Variants in ACKR2 observed in about 807,000 individuals in gnomAD.
The protein encoded by ACKR2 is atypical chemokine receptor 2.
For missense variants in ACKR2, 457 were observed against 477.3 expected, an observed-to-expected ratio of 0.96 and a Z score of 0.40; for synonymous variants, 207 against 192.2, an observed-to-expected ratio of 1.08 and a Z score of -0.64.
At chr3:42,861,103 G>C (rs189550044) in intron 2 of ACKR2, among the ~76,000 whole-genome samples, 5 of 152,102 alleles carry the variant, frequency 3.3e-5, no homozygotes, top group African/African-American at 1.2e-4. Context: ...CAACAAAATA[G>C]ATAGACCACT....
chr3:42,844,456 G>A (rs1485605641), intron 2 of ACKR2, among the ~76,000 whole-genome samples: 1 of 152,142 alleles, frequency 6.6e-6, no homozygotes, highest in Admixed American at 6.5e-5. Flanking sequence ...TCTTGGTGGG[G>A]GGCAGGGAAC....
chr3:42,864,965 C>G lies in ACKR2; in HGVS notation c.463C>G (p.Leu155Val). Residue 155 changes from leucine to valine, a missense_variant, in exon 3 of 3, where the codon CTG (leucine) becomes GTG (valine). Transcript: ENST00000422265. ...CGTTCATGCTCAGCCCTACCACAGG[C>G]TGAGGACCCGGGCCAAGAGCCTGCT... is the stretch of plus-strand genomic sequence containing the variant. ...EIVHAQPYHR[L>V]RTRAKSLLLA... 2 of 1,614,176 alleles carry G rather than the reference C, an allele frequency of 1.2e-6. No homozygotes were observed. The highest frequency in any genetic ancestry group is 2.7e-5 in the African/African-American group (2 of 75,042).
At chr3:42,840,603 A>G (rs959457339) in intron 2 of ACKR2, among the ~76,000 whole-genome samples, 3 of 152,250 alleles carry the variant, frequency 2.0e-5, no homozygotes, top group Non-Finnish European at 2.9e-5. Context: ...TGGCAAAACT[A>G]ACGTTTGAAT....
At chr3:42,809,694 T>C (rs957960553) in intron 1 of ACKR2, among the ~76,000 whole-genome samples, 162 bp downstream of exon 1, 1 of 152,006 alleles carries the variant, frequency 6.6e-6, no homozygotes, top group Non-Finnish European at 1.5e-5. Context: ...ATACCCCATC[T>C]CTACTAAAAA....
chr3:42,811,608 G>T (rs1018631824), intron 1 of ACKR2, among the ~76,000 whole-genome samples: 5 of 152,140 alleles, frequency 3.3e-5, no homozygotes. Flanking sequence ...CCTGTCACCC[G>T]TAAAGGGTCT....
chr3:42,864,603 T>C lies in ACKR2; in HGVS notation c.101T>C (p.Met34Thr). Residue 34 changes from methionine to threonine, a missense_variant, in exon 3 of 3, where the codon ATG (methionine) becomes ACG (threonine). Coordinates refer to ENST00000422265, the MANE Select transcript of ACKR2 (RefSeq NM_001296.5). ...GACTACCTGGATGAAGTGGCCTTCA[T>C]GCTCTGCAGGAAGGATGCAGTGGTG... is the stretch of plus-strand genomic sequence containing the variant. ...YYDYLDEVAF[M>T]LCRKDAVVSF... 6.2e-7 allele frequency: 1 copy of C among 1,614,230 alleles called. No homozygotes were observed. Among genetic ancestry groups the C allele is most frequent in the South Asian group, 1.1e-5 (1 of 91,082 alleles).
At chr3:42,832,643 A>G (rs1422525671) in intron 2 of ACKR2, among the ~76,000 whole-genome samples, 1 of 152,212 alleles carries the variant, frequency 6.6e-6, no homozygotes, top group Non-Finnish European at 1.5e-5. Flanking sequence ...GAAATACTCT[A>G]GACCAGTGCT....
chr3:42,819,386 A>C (rs1393189126), intron 1 of ACKR2, among the ~76,000 whole-genome samples: 1 of 152,118 alleles, frequency 6.6e-6, no homozygotes, highest in Non-Finnish European at 1.5e-5. Context: ...TCTTTTGACC[A>C]CAGGCAAACA....
intron 2 of ACKR2, chr3:42,851,485 T>TG (rs1701158779): frequency 2.1e-6 from 2 of 966,028 alleles, no homozygotes; most frequent in Non-Finnish European, 2.5e-6. Context: ...GGGTGTGGGG[T>TG]GGGGGTGAGA....
At chr3:42,832,019 T>C (rs1462730153) in intron 2 of ACKR2, among the ~76,000 whole-genome samples, 1 of 152,248 alleles carries the variant, frequency 6.6e-6, no homozygotes, top group East Asian at 1.9e-4. Context: ...AGAATTGGTA[T>C]TAAATCATTG....
At chr3:42,812,680 CTT>C (rs71616070) in intron 1 of ACKR2, among the ~76,000 whole-genome samples, 1 of 72,758 alleles carries the variant, frequency 1.4e-5, no homozygotes, top group Non-Finnish European at 2.4e-5. Flanking sequence ...AATTTTCAGC[CTT>C]TTTTTTTTTT....
At chr3:42,835,086 C>T (rs1019373211) in intron 2 of ACKR2, among the ~76,000 whole-genome samples, 9 of 151,844 alleles carry the variant, frequency 5.9e-5, no homozygotes, top group Admixed American at 5.9e-4. Context: ...TGGGGTTTTG[C>T]CTTGTTGGTC....
rs758025752 is a variant in ACKR2, at chr3:42,864,896, A to T, written c.394A>T (p.Ile132Phe). 5.0e-6 allele frequency: 8 copies of T among 1,614,106 alleles called. No individual in the cohort carries two copies. In the Admixed American group the frequency reaches 1.3e-4, roughly 27 times the overall value. The change falls in exon 3 of 3, where the codon ATC (isoleucine) becomes TTC (phenylalanine). Residue 132 changes from isoleucine to phenylalanine, a missense_variant. Ile to Phe is a conservative substitution (Grantham distance 21, BLOSUM62 0). Coordinates refer to ENST00000422265, the MANE Select transcript of ACKR2 (RefSeq NM_001296.5). The stretch of plus-strand genomic sequence containing the variant: ...TTATACTATTAACTTTTACAGTGGC[A>T]TCTTTTTCATTAGCTGCATGAGCCT... ...TLYTINFYSG[I>F]FFISCMSLDK...
At chr3:42,863,525 A>G (rs2088404224) in intron 2 of ACKR2, among the ~76,000 whole-genome samples, 1 of 152,222 alleles carries the variant, frequency 6.6e-6, no homozygotes, top group Admixed American at 6.5e-5. Flanking sequence ...TACCCAAAGG[A>G]TTATTAATCA....
chr3:42,825,207 C>A (rs576879527), intron 2 of ACKR2, among the ~76,000 whole-genome samples: 1 of 152,172 alleles, frequency 6.6e-6, no homozygotes, highest in African/African-American at 2.4e-5. Flanking sequence ...CATTTCCATG[C>A]GAATTTTATA....
intron 2 of ACKR2, chr3:42,835,720 T>C (rs2125610964): frequency 6.6e-6 from 1 of 152,424 alleles, no homozygotes; most frequent in African/African-American, 2.4e-5. Context: ...TCTCAGCGTC[T>C]GCTCTCTGTA....
intron 1 of ACKR2, among the ~76,000 whole-genome samples, chr3:42,818,082 C>CCA (rs371378807): frequency 6.6e-6 from 1 of 152,300 alleles, no homozygotes; most frequent in African/African-American, 2.4e-5. Context: ...CCTCTGTCTG[C>CCA]CACACTTCTT....
At chr3:42,849,357 C>T (rs1701128812) in intron 2 of ACKR2, among the ~76,000 whole-genome samples, 1 of 151,902 alleles carries the variant, frequency 6.6e-6, no homozygotes, top group Non-Finnish European at 1.5e-5. Context: ...CAAAGATTAG[C>T]CGGGCATGGT....
Position 42,865,549 on chromosome 3 carries a change from G to C in ACKR2, c.1047G>C (p.Glu349Asp), listed in dbSNP as rs2088428623. 2 of 1,614,050 alleles carry C rather than the reference G, an allele frequency of 1.2e-6. No homozygotes were observed. Among genetic ancestry groups the C allele is most frequent in the Non-Finnish European group, 1.7e-6 (2 of 1,180,046 alleles). ...TAQASLSSCS[E>D]SSILTAQEEM... ...AGGCCTCATTATCCAGCTGTTCTGA[G>C]AGCAGCATACTTACTGCCCAAGAGG... is the stretch of plus-strand genomic sequence containing the variant. The change falls in exon 3 of 3, where the codon GAG (glutamate) becomes GAC (aspartate). Residue 349 changes from glutamate (E) to aspartate (D), a missense_variant. By Grantham distance (45) the Glu-to-Asp change is conservative (BLOSUM62 2). Transcript: ENST00000422265.
Sources: gnomAD v4.1 joint callset for allele counts (sites outside exome capture counted in the v4.1 genomes callset) on GRCh38, gnomAD v4.1.1 for gene constraint, MANE v1.5 for transcripts, NCBI Gene and HGNC (gene_info 2026-07-23, HGNC 2026-07-21) for gene names.